LEPR: variants seen among roughly 807,000 people sequenced by gnomAD.
The protein encoded by LEPR is OB receptor.
LEPR carries 56 observed loss-of-function variants against 114.7 expected under a neutral mutation model. The observed-to-expected ratio is 0.49, with a 90% CI of 0.39 to 0.61. LEPR has a LOEUF of 0.61. Among genes scored for constraint, LEPR ranks in the 20% least tolerant of loss-of-function variants. LEPR has a pLI of 0.00. For missense variants in LEPR, 1,202 were observed against 1,352.9 expected (o/e 0.89, Z 1.75); for synonymous variants, 443 against 461.4 (o/e 0.96, Z 0.51).
intron 5 of LEPR, 147 bp from the exon 6 acceptor site, chr1:65,592,510 T>C (rs1655771696): frequency 1.3e-6 from 1 of 747,348 alleles, no homozygotes; most frequent in East Asian, 2.8e-5. Flanking sequence ...TCTTTGTTTT[T>C]CTAATGTAGG....
chr1:65,553,650 T>C (rs1338695504), intron 2 of LEPR, among the ~76,000 whole-genome samples: 2 of 152,130 alleles, frequency 1.3e-5, no homozygotes, highest in East Asian at 3.9e-4. Context: ...TTCCTTGCAT[T>C]GGGTTAGAAC....
chr1:65,523,780 C>T (rs1649763088), intron 2 of LEPR, among the ~76,000 whole-genome samples: 1 of 152,152 alleles, frequency 6.6e-6, no homozygotes, highest in South Asian at 2.1e-4. Context: ...CAAAAATGCC[C>T]ACATCCTAAT....
At chr1:65,496,489 A>G (rs1018250008) in intron 2 of LEPR, among the ~76,000 whole-genome samples, 7 of 152,118 alleles carry the variant, frequency 4.6e-5, no homozygotes, top group African/African-American at 1.7e-4. Context: ...AGGTTGGAGG[A>G]TGGCTTGAGC....
At chr1:65,440,924 G>A (rs1420363557) in intron 2 of LEPR, among the ~76,000 whole-genome samples, 1 of 152,160 alleles carries the variant, frequency 6.6e-6, no homozygotes, top group Non-Finnish European at 1.5e-5. Context: ...TGAAAGAGGA[G>A]AACAACAAAT....
chr1:65,585,045 C>T (rs1285278403), intron 5 of LEPR, among the ~76,000 whole-genome samples: 4 of 151,938 alleles, frequency 2.6e-5, no homozygotes, highest in Non-Finnish European at 5.9e-5. Flanking sequence ...TAGCTCTGGA[C>T]CTTCTGAATT....
intron 2 of LEPR, among the ~76,000 whole-genome samples, chr1:65,558,301 C>A (rs531617318): frequency 6.6e-6 from 1 of 152,012 alleles, no homozygotes; most frequent in Non-Finnish European, 1.5e-5. Flanking sequence ...GTATAAAGAA[C>A]AAAAATTCTG....
intron 2 of LEPR, among the ~76,000 whole-genome samples, chr1:65,516,840 C>CTTTTGCTGTTAGA (rs1292112789): frequency 2.0e-5 from 3 of 152,186 alleles, no homozygotes; most frequent in Non-Finnish European, 4.4e-5. Context: ...GTAAGTGCCT[C>CTTTTGCTGTTAGA]TGTACCCATT....
intron 2 of LEPR, among the ~76,000 whole-genome samples, chr1:65,486,847 C>T (rs1236607273): frequency 1.3e-5 from 2 of 152,100 alleles, no homozygotes; most frequent in Non-Finnish European, 2.9e-5. Context: ...GCTTTCCAGC[C>T]CGTGGCTCCA....
intron 11 of LEPR, 114 bp downstream of exon 11, chr1:65,605,351 A>G: frequency 7.3e-7 from 1 of 1,373,396 alleles, no homozygotes; most frequent in South Asian, 1.2e-5. Flanking sequence ...TGAAAAAAAA[A>G]TTGTTCCTGT....
At chr1:65,514,734 G>T (rs1185518729) in intron 2 of LEPR, among the ~76,000 whole-genome samples, 3 of 152,258 alleles carry the variant, frequency 2.0e-5, no homozygotes, top group South Asian at 2.1e-4. Flanking sequence ...TCATTGTGAA[G>T]TATCTATTCT....
intron 2 of LEPR, among the ~76,000 whole-genome samples, chr1:65,546,075 C>T (rs1229650155): frequency 3.3e-5 from 5 of 151,918 alleles, no homozygotes; most frequent in South Asian, 2.1e-4. Flanking sequence ...ATCCTTTCCC[C>T]ATTGCTTGTT....
intron 12 of LEPR, 36 bp from the exon 13 acceptor site, chr1:65,609,911 G>T: frequency 1.2e-6 from 2 of 1,613,922 alleles, no homozygotes; most frequent in Non-Finnish European, 1.7e-6. Context: ...ATATGTGTTG[G>T]TAATGATCAA....
rs147162540 is a variant in LEPR, at chr1:65,526,824, A to G, written c.-20-38722A>G. Among the ~76,000 whole-genome samples, 58 of 152,308 alleles carry G rather than the reference A, an allele frequency of 3.8e-4. 1 individual carries two copies. The highest frequency in any genetic ancestry group is 7.8e-4 in the Admixed American group (12 of 15,306). On this transcript the variant is annotated intron_variant, in intron 2 of 19. Transcript: ENST00000349533. ...CCAGAATAAAAAAGTATAATTCCTT[A>G]ACTCTCTTTAACTTGTTACAAACAT...
At chr1:65,566,414 A>T (rs1653763798) in intron 3 of LEPR, among the ~76,000 whole-genome samples, 1 of 151,998 alleles carries the variant, frequency 6.6e-6, no homozygotes, top group Admixed American at 6.6e-5. Flanking sequence ...CGTTGGCCAG[A>T]TGGTCTCAAT....
chr1:65,498,019 C>G (rs1311713646), intron 2 of LEPR, among the ~76,000 whole-genome samples: 2 of 152,008 alleles, frequency 1.3e-5, no homozygotes, highest in Non-Finnish European at 2.9e-5. Flanking sequence ...GTCCCCTGTC[C>G]CTGATAAAAT....
intron 19 of LEPR, chr1:65,634,878 GAA>G: frequency 2.5e-6 from 2 of 791,576 alleles, no homozygotes; most frequent in Non-Finnish European, 3.0e-6. Context: ...ATTTCTTTCA[GAA>G]AAAAAAAACA....
intron 2 of LEPR, among the ~76,000 whole-genome samples, chr1:65,546,971 G>A (rs748897179): frequency 4.6e-5 from 7 of 152,122 alleles, no homozygotes; most frequent in Non-Finnish European, 1.0e-4. Context: ...ATTATTTTGA[G>A]ATATGTCCCA....
chr1:65,442,768 C>T (rs1349936223), intron 2 of LEPR, among the ~76,000 whole-genome samples: 1 of 152,128 alleles, frequency 6.6e-6, no homozygotes, highest in Non-Finnish European at 1.5e-5. Context: ...AAAAACAAAA[C>T]CAACCTGGGA....
chr1:65,589,401 AAAC>A (rs1371216839), intron 5 of LEPR, among the ~76,000 whole-genome samples: 1 of 152,020 alleles, frequency 6.6e-6, no homozygotes, highest in Non-Finnish European at 1.5e-5. Flanking sequence ...GCTTCTCAGA[AAAC>A]AACTTTTCAA....
Sources: gnomAD v4.1 joint callset for allele counts (sites outside exome capture counted in the v4.1 genomes callset) on GRCh38, gnomAD v4.1.1 for gene constraint, MANE v1.5 for transcripts, NCBI Gene and HGNC (gene_info 2026-07-23, HGNC 2026-07-21) for gene names.